FOXN3: variants seen among roughly 807,000 people sequenced by gnomAD.
FOXN3 encodes the protein forkhead box protein N3.
Under a neutral mutation model 38.4 loss-of-function variants are expected in FOXN3, and 7 were observed. The ratio of observed to expected loss-of-function variants is 0.18; its 90% CI spans 0.10 to 0.34. FOXN3 has a LOEUF of 0.34. Among genes scored for constraint, FOXN3 ranks in the 10% least tolerant of loss-of-function variants. The probability of loss-of-function intolerance (pLI) is 1.00; values close to 1 mark genes in which losing one functional copy is unlikely to be tolerated. For missense variants in FOXN3, 456 were observed against 613.4 expected (o/e 0.74, Z 2.71); for synonymous variants, 230 against 242.2 (o/e 0.95, Z 0.47).
At chr14:89,447,467 C>T (rs964670083) in intron 1 of FOXN3, among the ~76,000 whole-genome samples, 1 of 152,132 alleles carries the variant, frequency 6.6e-6, no homozygotes. Flanking sequence ...TCAAAGTTCA[C>T]TCTGATATCC....
At chr14:89,368,534 A>C (rs1158959539) in intron 2 of FOXN3, among the ~76,000 whole-genome samples, 1 of 152,086 alleles carries the variant, frequency 6.6e-6, no homozygotes, top group Non-Finnish European at 1.5e-5. Context: ...AGTCCCAGCT[A>C]CTCAGGAGGC....
intron 4 of FOXN3, among the ~76,000 whole-genome samples, chr14:89,249,865 T>G (rs997063582): frequency 3.3e-5 from 5 of 152,170 alleles, no homozygotes; most frequent in Admixed American, 3.3e-4. Flanking sequence ...TCTATACATT[T>G]TTTAATGATT....
chr14:89,293,416 G>A (rs1566948936), intron 3 of FOXN3, among the ~76,000 whole-genome samples: 1 of 152,170 alleles, frequency 6.6e-6, no homozygotes, highest in Non-Finnish European at 1.5e-5. Flanking sequence ...AAGATCAAGG[G>A]GTCACAGGGC....
chr14:89,301,432 T>C (rs1887213871), intron 3 of FOXN3, among the ~76,000 whole-genome samples: 1 of 151,906 alleles, frequency 6.6e-6, no homozygotes, highest in Non-Finnish European at 1.5e-5. Flanking sequence ...GCCATGATCA[T>C]GCCACTGCGC....
intron 3 of FOXN3, among the ~76,000 whole-genome samples, chr14:89,319,822 A>G (rs1887847128): frequency 6.6e-6 from 1 of 152,238 alleles, no homozygotes; most frequent in Non-Finnish European, 1.5e-5. Flanking sequence ...TAATGTTCAG[A>G]TGATTAAACT....
intron 4 of FOXN3, among the ~76,000 whole-genome samples, chr14:89,263,065 C>G (rs1885858661): frequency 2.0e-5 from 3 of 152,152 alleles, no homozygotes; most frequent in African/African-American, 4.8e-5. Context: ...TTTTCAAGCA[C>G]AATGTTTTCT....
At chr14:89,478,997 A>G (rs1893271573) in intron 1 of FOXN3, among the ~76,000 whole-genome samples, 1 of 149,116 alleles carries the variant, frequency 6.7e-6, no homozygotes, top group Admixed American at 6.8e-5. Flanking sequence ...CCTATTTTAC[A>G]GATGGGGAAA....
In FOXN3 at chr14:89,214,303, C is replaced by T. The variant is rs547600711; in HGVS notation, c.746-33497G>A. 1.1e-4 allele frequency among the ~76,000 whole-genome samples: 16 copies of T among 152,336 alleles called. No homozygotes were observed. In the South Asian group the frequency reaches 1.4e-3, roughly 14 times the overall value. ...ATGTTGAAAGAGGACCAGGTTTGTA[C>T]GTGCAAGTCCCTACTAGAGACCAGG... On this transcript the variant is annotated intron_variant, in intron 4 of 5. Coordinates refer to ENST00000557258, the MANE Select transcript of FOXN3 (RefSeq NM_005197.4).
At chr14:89,535,387 C>T (rs1894665069) in intron 1 of FOXN3, among the ~76,000 whole-genome samples, 1 of 152,152 alleles carries the variant, frequency 6.6e-6, no homozygotes, top group Non-Finnish European at 1.5e-5. Context: ...TATTTCTTGG[C>T]ACACTGAACA....
At chr14:89,334,297 T>C (rs776885694) in intron 3 of FOXN3, among the ~76,000 whole-genome samples, 5 of 151,024 alleles carry the variant, frequency 3.3e-5, no homozygotes, top group African/African-American at 4.9e-5. Flanking sequence ...GGTCAAAGGG[T>C]AAAAACTTGC....
intron 3 of FOXN3, among the ~76,000 whole-genome samples, chr14:89,324,556 T>C (rs1887993169): frequency 6.6e-6 from 1 of 151,788 alleles, no homozygotes; most frequent in Admixed American, 6.6e-5. Flanking sequence ...ACAGCAGAGC[T>C]ACCCTTTGGG....
chr14:89,347,524 CTG>C (rs1440364914), intron 3 of FOXN3, among the ~76,000 whole-genome samples: 1 of 152,218 alleles, frequency 6.6e-6, no homozygotes, highest in Non-Finnish European at 1.5e-5. Flanking sequence ...CAGTAAGTTT[CTG>C]TTGTTTAAGT....
chr14:89,448,859 T>C (rs1382003400), intron 1 of FOXN3, among the ~76,000 whole-genome samples: 1 of 151,804 alleles, frequency 6.6e-6, no homozygotes, highest in Non-Finnish European at 1.5e-5. Context: ...GGAGGACCAA[T>C]TGAGCCTGGG....
At chr14:89,392,230 C>T (rs1289244878) in intron 2 of FOXN3, among the ~76,000 whole-genome samples, 1 of 152,204 alleles carries the variant, frequency 6.6e-6, no homozygotes, top group East Asian at 1.9e-4. Flanking sequence ...GCTGTGAGCA[C>T]CTCTCTGGAT....
At chr14:89,585,978 A>G (rs1895833143) in intron 1 of FOXN3, among the ~76,000 whole-genome samples, 1 of 152,166 alleles carries the variant, frequency 6.6e-6, no homozygotes, top group Non-Finnish European at 1.5e-5. Flanking sequence ...GTAACATTCA[A>G]GCGAAAGCTT....
intron 2 of FOXN3, among the ~76,000 whole-genome samples, chr14:89,382,592 G>A (rs1278424031): frequency 1.3e-5 from 2 of 152,202 alleles, no homozygotes; most frequent in East Asian, 1.9e-4. Flanking sequence ...GGTGGGGCAG[G>A]AAGCACGTGG....
At chr14:89,253,440 G>C (rs1253969614) in intron 4 of FOXN3, among the ~76,000 whole-genome samples, 1 of 152,050 alleles carries the variant, frequency 6.6e-6, no homozygotes. Flanking sequence ...TGTTTGCCCT[G>C]ATGCTGCCCA....
intron 4 of FOXN3, among the ~76,000 whole-genome samples, chr14:89,279,136 C>T (rs1326563773): frequency 6.6e-6 from 1 of 152,164 alleles, no homozygotes; most frequent in South Asian, 2.1e-4. Flanking sequence ...CCCACCCTCC[C>T]AAGCTCTCAT....
chr14:89,448,635 A>G lies in FOXN3; in HGVS notation c.-14-36145T>C, dbSNP rs1892556644. Among the ~76,000 whole-genome samples the G allele has an allele frequency of 2.0e-5, 3 of 152,148 alleles. No individual in the cohort carries two copies. The South Asian group carries it at 6.2e-4, about 32-fold the overall frequency. ...GGGCAAAAGATGAAAAGTTACTTAT[A>G]TTCTCTACATAAGAAATCCTGGGTG... is the stretch of plus-strand genomic sequence containing the variant. On this transcript the variant is annotated intron_variant, in intron 1 of 6. Coordinates refer to the FOXN3 transcript ENST00000345097.
Sources: gnomAD v4.1 joint callset for allele counts (sites outside exome capture counted in the v4.1 genomes callset) on GRCh38, gnomAD v4.1.1 for gene constraint, MANE v1.5 for transcripts, NCBI Gene and HGNC (gene_info 2026-07-23, HGNC 2026-07-21) for gene names.